The following ALK variants were observed in gnomAD, a reference collection of about 807,000 sequenced individuals.
ALK encodes the protein ALK tyrosine kinase receptor.
ALK carries 74 observed loss-of-function variants against 163.1 expected under a neutral mutation model. That is an observed-to-expected ratio of 0.45 (90% CI 0.38 to 0.55). ALK has a LOEUF of 0.55. Ranked by LOEUF, ALK falls within the 20% of genes least tolerant of loss-of-function variation. The pLI, the probability that ALK is intolerant of heterozygous loss-of-function variation, is 0.00. For missense variants in ALK, 2,063 were observed against 2,105.3 expected, an observed-to-expected ratio of 0.98 and a Z score of 0.39; for synonymous variants, 960 against 843.2, an observed-to-expected ratio of 1.14 and a Z score of -2.40.
At chr2:29,291,397 C>T (rs1348583728) in intron 9 of ALK, among the ~76,000 whole-genome samples, 2 of 152,104 alleles carry the variant, frequency 1.3e-5, no homozygotes, top group African/African-American at 4.8e-5. Context: ...AAAACAACAA[C>T]AATGGCTACT....
At chr2:29,435,827 G>A (rs1036795098) in intron 4 of ALK, among the ~76,000 whole-genome samples, 2 of 152,014 alleles carry the variant, frequency 1.3e-5, no homozygotes, top group African/African-American at 2.4e-5. Flanking sequence ...TGTTAACTAC[G>A]TAATTTTCCA....
chr2:29,650,850 T>C (rs1677017652), intron 3 of ALK, among the ~76,000 whole-genome samples: 1 of 152,168 alleles, frequency 6.6e-6, no homozygotes, highest in East Asian at 1.9e-4. Flanking sequence ...CTACTTTTAA[T>C]GTGCTTGGTA....
intron 5 of ALK, among the ~76,000 whole-genome samples, chr2:29,360,301 G>A (rs1668357223): frequency 6.6e-6 from 1 of 152,118 alleles, no homozygotes; most frequent in African/African-American, 2.4e-5. Flanking sequence ...AGGCTTCTGG[G>A]TCCCAGGTCT....
intron 1 of ALK, among the ~76,000 whole-genome samples, chr2:29,779,528 C>T (rs1331196427): frequency 6.6e-6 from 1 of 152,212 alleles, no homozygotes; most frequent in East Asian, 1.9e-4. Flanking sequence ...TCTTCACCAG[C>T]AATACGGACT....
intron 26 of ALK, among the ~76,000 whole-genome samples, chr2:29,201,480 A>G (rs889144168): frequency 2.6e-5 from 4 of 152,082 alleles, no homozygotes; most frequent in African/African-American, 9.7e-5. Context: ...CAGTCCTGTT[A>G]ACTCTACATT....
chr2:29,821,403 C>T (rs1440045724), intron 1 of ALK, among the ~76,000 whole-genome samples: 1 of 152,098 alleles, frequency 6.6e-6, no homozygotes, highest in Non-Finnish European at 1.5e-5. Context: ...AAGACTTTCT[C>T]GGGGAAGGGG....
At chr2:29,353,182 C>T (rs1160176350) in intron 5 of ALK, among the ~76,000 whole-genome samples, 1 of 152,096 alleles carries the variant, frequency 6.6e-6, no homozygotes, top group Non-Finnish European at 1.5e-5. Flanking sequence ...ATTTGCAGAC[C>T]CTCTACTCAA....
At chr2:29,209,762 A>C in intron 25 of ALK, 24 bp downstream of exon 25, 1 of 1,584,412 alleles carries the variant, frequency 6.3e-7, no homozygotes. Context: ...ACAGGCCCGG[A>C]GGGGTGAGGC....
intron 4 of ALK, among the ~76,000 whole-genome samples, chr2:29,521,445 A>T (rs945152138): frequency 6.6e-6 from 1 of 152,196 alleles, no homozygotes; most frequent in Admixed American, 6.5e-5. Flanking sequence ...CCAGGAATAG[A>T]CATTGCACCA....
intron 3 of ALK, among the ~76,000 whole-genome samples, chr2:29,627,126 G>A (rs2148233928): frequency 6.6e-6 from 1 of 152,272 alleles, no homozygotes; most frequent in African/African-American, 2.4e-5. Flanking sequence ...AGGGCTGACG[G>A]ATGCAAAGAG....
intron 1 of ALK, among the ~76,000 whole-genome samples, chr2:29,719,878 T>G (rs1020824488): frequency 6.6e-6 from 1 of 152,070 alleles, no homozygotes; most frequent in African/African-American, 2.4e-5. Flanking sequence ...TGCTTCAGAA[T>G]AGGGCAAGTG....
intron 4 of ALK, among the ~76,000 whole-genome samples, chr2:29,527,603 G>A (rs1273106849): frequency 1.3e-5 from 2 of 152,092 alleles, no homozygotes; most frequent in African/African-American, 4.8e-5. Context: ...AACCTCTTGG[G>A]CTCAAGCAAG....
chr2:29,725,325 C>T (rs1010831009), intron 1 of ALK, among the ~76,000 whole-genome samples: 6 of 152,112 alleles, frequency 3.9e-5, no homozygotes, highest in Non-Finnish European at 7.4e-5. Flanking sequence ...CAAACTTATG[C>T]CCAAGCTAAT....
At chr2:29,271,593 TG>T (rs977249593) in intron 11 of ALK, among the ~76,000 whole-genome samples, 46 of 152,364 alleles carry the variant, frequency 3.0e-4, no homozygotes, top group African/African-American at 1.0e-3. Flanking sequence ...GCAGTCTCTC[TG>T]CCCTTGTCTG....
At chr2:29,452,195 C>T (rs1198245842) in intron 4 of ALK, among the ~76,000 whole-genome samples, 1 of 152,168 alleles carries the variant, frequency 6.6e-6, no homozygotes, top group African/African-American at 2.4e-5. Context: ...CACTTGGCCC[C>T]TTACTCCCTG....
intron 1 of ALK, among the ~76,000 whole-genome samples, chr2:29,896,491 AAG>A (rs551648676): frequency 2.2e-4 from 34 of 152,186 alleles, no homozygotes; most frequent in Non-Finnish European, 2.8e-4. Flanking sequence ...TCCTTATAAG[AAG>A]AGGAAGAGAC....
At chr2:29,787,002 A>G (rs890114966) in intron 1 of ALK, among the ~76,000 whole-genome samples, 5 of 152,128 alleles carry the variant, frequency 3.3e-5, no homozygotes, top group Non-Finnish European at 5.9e-5. Context: ...TCACCATGTT[A>G]GCCAGGATGG....
intron 15 of ALK, among the ~76,000 whole-genome samples, chr2:29,230,170 T>G (rs1664154908): frequency 6.6e-6 from 1 of 151,972 alleles, no homozygotes; most frequent in Admixed American, 6.6e-5. Flanking sequence ...TTGCACATTC[T>G]CCTATAAAAA....
At chr2:29,253,374 A>G (rs1413584997) in intron 11 of ALK, among the ~76,000 whole-genome samples, 3 of 152,146 alleles carry the variant, frequency 2.0e-5, no homozygotes, top group Non-Finnish European at 4.4e-5. Context: ...TTCATCATTT[A>G]TTGATTAGGG....
Sources: allele counts gnomAD v4.1 joint callset (sites outside exome capture counted in the v4.1 genomes callset), GRCh38; gene constraint gnomAD v4.1.1; transcripts MANE v1.5; gene names NCBI Gene and HGNC (gene_info 2026-07-23, HGNC 2026-07-21).